The following HUS1 variants were observed in gnomAD, a reference collection of about 807,000 sequenced individuals.
The protein encoded by HUS1 is checkpoint protein HUS1.
A neutral mutation model predicts 32.6 loss-of-function variants in HUS1; 31 were observed. The observed-to-expected ratio is 0.95, with a 90% CI of 0.72 to 1.28. The LOEUF is 1.28. Among genes scored for constraint, HUS1 ranks in the 50% most tolerant of loss-of-function variants. HUS1 has a pLI of 0.00. For missense variants in HUS1, 340 were observed against 337.7 expected (o/e 1.01, Z -0.05); for synonymous variants, 123 against 116.6 (o/e 1.06, Z -0.36).
chr7:47,969,971 C>T (rs888968478), intron 5 of HUS1, among the ~76,000 whole-genome samples: 6 of 152,114 alleles, frequency 3.9e-5, no homozygotes, highest in East Asian at 1.9e-4. Flanking sequence ...CGGTGGCTCT[C>T]GCTTGTAATC....
At position 47,965,334 on chromosome 7, in the gene HUS1, T is replaced by A. The variant is rs372660732; in HGVS notation, c.*22A>T. 1.5e-5 allele frequency: 24 copies of A among 1,565,120 alleles called. No homozygotes were observed. Among genetic ancestry groups the A allele is most frequent in the Non-Finnish European group, 1.9e-5 (22 of 1,135,062 alleles). ...CTCCCATCCTGACAAAGTCTCTGCATGCCAACTCCAGCGACAGGGTGCTAG... is the reference window on the plus strand; with the variant it reads ...CTCCCATCCTGACAAAGTCTCTGCAAGCCAACTCCAGCGACAGGGTGCTAG... On this transcript the variant is annotated 3_prime_UTR_variant, in exon 8 of 8. Coordinates refer to ENST00000258774, the MANE Select transcript of HUS1 (RefSeq NM_004507.4).
Position 47,965,368 on chromosome 7 carries a change from A to T in HUS1, c.831T>A (p.Pro277=), listed in dbSNP as rs1414983422. ...HEDVSLQYFI[P]ALS ...CAGCGACAGGGTGCTAGGACAGCGC[A>T]GGGATGAAATACTGAAGGGACACGT... The change falls in exon 8 of 8, where the codon CCT becomes CCA. Residue 277 remains proline, a synonymous_variant. Coordinates refer to ENST00000258774, the MANE Select transcript of HUS1 (RefSeq NM_004507.4). 6.8e-6 allele frequency: 11 copies of T among 1,611,786 alleles called. No homozygotes were observed. Among genetic ancestry groups the T allele is most frequent in the African/African-American group, 1.3e-5 (1 of 75,024 alleles).
chr7:47,969,026 T>C, intron 6 of HUS1, 193 bp downstream of exon 6: 1 of 526,764 alleles, frequency 1.9e-6, no homozygotes, highest in Non-Finnish European at 3.3e-6. Context: ...TGGCACAGCT[T>C]CTCCCCCTGG....
chr7:47,971,984 A>G (rs570903766), intron 5 of HUS1, among the ~76,000 whole-genome samples: 39 of 152,166 alleles, frequency 2.6e-4, no homozygotes, highest in Non-Finnish European at 3.1e-4. Context: ...TAGTGCCCCA[A>G]ACTTACCTGT....
At chr7:47,979,399 G>C in intron 1 of HUS1, 69 bp downstream of exon 1, 1 of 1,577,724 alleles carries the variant, frequency 6.3e-7, no homozygotes, top group Non-Finnish European at 8.6e-7. Flanking sequence ...ATCCTCCTGC[G>C]CGGTCCCCAC....
chr7:47,975,687 C>CATCAGGAT lies in HUS1; in HGVS notation c.466-1_466insATCCTGAT (p.Val156IlefsTer11). 1 of 1,562,972 alleles carries CATCAGGAT rather than the reference C, an allele frequency of 6.4e-7. No individual in the cohort carries two copies. The highest frequency in any genetic ancestry group is 1.8e-5 in the Admixed American group (1 of 56,524). On this transcript the variant is annotated frameshift_variant and splice_region_variant. Transcript: ENST00000258774. LOFTEE classifies it high-confidence loss of function. ...TTCAAGACTGGTAAATAAATACTAA[C>CATCAGGAT]CTACAAAACCAATGAGAAAAAAGCA...
At chr7:47,967,336 G>A (rs534895650) in intron 7 of HUS1, among the ~76,000 whole-genome samples, 1 of 152,318 alleles carries the variant, frequency 6.6e-6, no homozygotes, top group East Asian at 1.9e-4. Flanking sequence ...ACAACCAGCA[G>A]CCAAGGGACA....
chr7:47,969,318 C>T lies in HUS1; in HGVS notation c.541G>A (p.Val181Ile), dbSNP rs758303126. The change falls in exon 6 of 8, where the codon GTT becomes ATT. Residue 181 changes from valine to isoleucine, a missense_variant and splice_region_variant. Coordinates refer to ENST00000258774, the MANE Select transcript of HUS1 (RefSeq NM_004507.4). The stretch of plus-strand genomic sequence containing the variant: ...TCTCCATCTAGGTTTGCTTCAATAA[C>T]CTGCAAATTGAGTATTTTACATAGT... Reference protein sequence around the residue: ...EKMKNISNHLVIEANLDGELN... With the variant: ...EKMKNISNHLIIEANLDGELN... 7 of 1,529,718 alleles carry T rather than the reference C, an allele frequency of 4.6e-6. No individual in the cohort carries two copies. The South Asian group carries it at 5.7e-5, about 12-fold the overall frequency. The allele number at this position is 1,529,718 out of a possible 1,614,324, so 94.8% of individuals were successfully genotyped here. A position where few individuals can be genotyped will look rare whatever the true frequency, so the allele number is the denominator to read the frequency against.
chr7:47,963,668 T>G lies in HUS1; in HGVS notation c.*1688A>C, dbSNP rs3176617. The G allele has an allele frequency of 3.9e-5, 6 of 152,138 alleles. No individual in the cohort carries two copies. Among genetic ancestry groups the G allele is most frequent in the Non-Finnish European group, 7.4e-5 (5 of 68,024 alleles). 9.4% of individuals were successfully genotyped at this position (152,138 alleles called of 1,614,324 possible). On this transcript the variant is annotated 3_prime_UTR_variant, in exon 8 of 8. Coordinates refer to ENST00000258774, the MANE Select transcript of HUS1 (RefSeq NM_004507.4). Reference sequence around the variant, plus strand: ...GCTCACGCCTGTAATCCCAGCACTTTGAGAGGCCAAGGTGGGTGATCACGA... The same window carrying G: ...GCTCACGCCTGTAATCCCAGCACTTGGAGAGGCCAAGGTGGGTGATCACGA...
chr7:47,977,756 T>C (rs1788735892), intron 3 of HUS1, among the ~76,000 whole-genome samples: 1 of 151,912 alleles, frequency 6.6e-6, no homozygotes, highest in African/African-American at 2.4e-5. Flanking sequence ...TAGCTGGGTG[T>C]GGTGGTGGGT....
rs757876744 is a variant in HUS1, at chr7:47,979,527, G to C, written c.-8C>G. 8 of 1,606,036 alleles carry C rather than the reference G, an allele frequency of 5.0e-6. No homozygotes were observed. In the African/African-American group the frequency reaches 9.3e-5, roughly 19 times the overall value. Reference sequence around the variant, plus strand: ...CTTGGCCCGAAACTTCATGGCCGCGGATGGCGCAGCCGCGGCGGGCCTCTG... The same window carrying C: ...CTTGGCCCGAAACTTCATGGCCGCGCATGGCGCAGCCGCGGCGGGCCTCTG... On this transcript the variant is annotated 5_prime_UTR_variant, in exon 1 of 8. In the 5' UTR this introduces an upstream ATG that the reference lacks. Transcript: ENST00000258774.
Position 47,963,528 on chromosome 7 carries a change from C to T in HUS1, c.*1828G>A, listed in dbSNP as rs1035260835. 6.6e-6 allele frequency: 1 copy of T among 152,164 alleles called. No individual in the cohort carries two copies. Among genetic ancestry groups the T allele is most frequent in the Non-Finnish European group, 1.5e-5 (1 of 68,040 alleles). 9.4% of individuals were successfully genotyped at this position (152,164 alleles called of 1,614,324 possible). A position where few individuals can be genotyped will look rare whatever the true frequency, so the allele number is the denominator to read the frequency against. On this transcript the variant is annotated 3_prime_UTR_variant, in exon 8 of 8. Coordinates refer to ENST00000258774, the MANE Select transcript of HUS1 (RefSeq NM_004507.4). Reference sequence around the variant, plus strand: ...ACTGCAGCTGGAATTAATTTCGTTACAATGAGAGGAGGAAGGGTTTAAAAA... The same window carrying T: ...ACTGCAGCTGGAATTAATTTCGTTATAATGAGAGGAGGAAGGGTTTAAAAA...
chr7:47,976,755 T>A lies in HUS1; in HGVS notation c.440A>T (p.Gln147Leu), dbSNP rs1203161065. 1 of 1,612,574 alleles carries A rather than the reference T, an allele frequency of 6.2e-7. No individual in the cohort carries two copies. The highest frequency in any genetic ancestry group is 8.5e-7 in the Non-Finnish European group (1 of 1,178,594). The change falls in exon 4 of 8, where the codon CAA becomes CTA. Residue 147 changes from glutamine to leucine, a missense_variant. Coordinates refer to ENST00000258774, the MANE Select transcript of HUS1 (RefSeq NM_004507.4). Reference protein sequence around the residue: ...VIPRKLWKDLQEPVVPDPDVS... With the variant: ...VIPRKLWKDLLEPVVPDPDVS... ...ATCAGGATCTGGGACCACCGGTTCT[T>A]GTAAGTCCTTCCACAATTTCCTAGG...
At position 47,976,733 on chromosome 7, in the gene HUS1, A is replaced by G. The variant is rs1304616622; in HGVS notation, c.462T>C (p.Pro154=). 1.3e-6 allele frequency: 2 copies of G among 1,583,874 alleles called. No homozygotes were observed. Among genetic ancestry groups the G allele is most frequent in the African/African-American group, 1.3e-5 (1 of 74,438 alleles). Residue 154 remains proline, a synonymous_variant, in exon 4 of 8, where the codon CCT becomes CCC. Transcript: ENST00000258774. ...CAGGACTGCAGGCATCACCTACATC[A>G]GGATCTGGGACCACCGGTTCTTGTA... ...KDLQEPVVPD[P]DVSIYLPVLK...
In HUS1 at chr7:47,975,833, T is replaced by C. The variant is rs201203520; in HGVS notation, c.466-146A>G. 1.2e-5 allele frequency: 7 copies of C among 569,090 alleles called. No homozygotes were observed. The East Asian group carries it at 2.3e-4, about 19-fold the overall frequency. The allele number at this position is 569,090 out of a possible 1,614,324, so 35.3% of individuals were successfully genotyped here. A position where few individuals can be genotyped will look rare whatever the true frequency, so the allele number is the denominator to read the frequency against. On this transcript the variant is annotated intron_variant, in intron 4 of 7. Transcript: ENST00000258774. ...TACAATTTTCTGAATAAAGTTCTTTTAAAAATATAAAAAGAAAACCAATTC... is the reference window on the plus strand; with the variant it reads ...TACAATTTTCTGAATAAAGTTCTTTCAAAAATATAAAAAGAAAACCAATTC...
At position 47,979,402 on chromosome 7, in the gene HUS1, G is replaced by A. The variant is rs773988515; in HGVS notation, c.52+66C>T. 2.1e-5 allele frequency: 33 copies of A among 1,599,182 alleles called. No individual in the cohort carries two copies. In the Admixed American group the frequency reaches 3.6e-4, roughly 17 times the overall value. ...ATCCCCGTTCTGATCCTCCTGCGCGGTCCCCACCGCGCGCTCACTGCTTCC... is the reference window on the plus strand; with the variant it reads ...ATCCCCGTTCTGATCCTCCTGCGCGATCCCCACCGCGCGCTCACTGCTTCC... On this transcript the variant is annotated intron_variant, in intron 1 of 7. Transcript: ENST00000258774.
chr7:47,971,150 ATT>A (rs1018712249), intron 5 of HUS1: 2 of 163,344 alleles, frequency 1.2e-5, no homozygotes, highest in African/African-American at 4.8e-5. Context: ...TCAGTGTCTT[ATT>A]TTTATAAAAT....
At chr7:47,969,170 GAAACA>G in intron 6 of HUS1, 44 bp downstream of exon 6, 2 of 911,304 alleles carry the variant, frequency 2.2e-6, no homozygotes. Context: ...TAGGTTATCT[GAAACA>G]ATTAACTTAT....
chr7:47,970,137 G>A (rs1220600079), intron 5 of HUS1, among the ~76,000 whole-genome samples: 4 of 149,020 alleles, frequency 2.7e-5, no homozygotes, highest in Non-Finnish European at 5.9e-5. Flanking sequence ...GGAGGCTGAG[G>A]CAGGAGAATG....
Sources: allele counts gnomAD v4.1 joint callset (sites outside exome capture counted in the v4.1 genomes callset), GRCh38; gene constraint gnomAD v4.1.1; transcripts MANE v1.5; gene names NCBI Gene and HGNC (gene_info 2026-07-23, HGNC 2026-07-21).